Variants in DDB2 observed in about 807,000 individuals in gnomAD.
DDB2 encodes the protein damage specific DNA binding protein 2, also known as DNA damage-binding protein 2.
DDB2 carries 27 observed loss-of-function variants against 50.5 expected under a neutral mutation model. The ratio of observed to expected loss-of-function variants is 0.53; its 90% CI spans 0.39 to 0.74. The LOEUF (loss-of-function observed/expected upper bound fraction) is 0.74. Among genes scored for constraint, DDB2 ranks in the 30% least tolerant of loss-of-function variants. DDB2 has a pLI of 0.00. For missense variants in DDB2, 424 were observed against 545.6 expected (o/e 0.78, Z 2.22); for synonymous variants, 176 against 205.5 (o/e 0.86, Z 1.23).
chr11:47,229,707 A>G (rs894135697), intron 3 of DDB2: 6 of 337,672 alleles, frequency 1.8e-5, no homozygotes, highest in Admixed American at 4.3e-5. Flanking sequence ...TAAGGTTTTC[A>G]GTATACAAAG....
chr11:47,224,461 G>A (rs796892430), intron 3 of DDB2, among the ~76,000 whole-genome samples: 1 of 152,032 alleles, frequency 6.6e-6, no homozygotes, highest in South Asian at 2.1e-4. Context: ...TGTTGGCCAG[G>A]CTGGTCTTGA....
chr11:47,216,165 T>G (rs1031470551), intron 1 of DDB2, 171 bp from the exon 2 acceptor site: 3 of 988,398 alleles, frequency 3.0e-6, no homozygotes, highest in Non-Finnish European at 4.8e-6. Context: ...AAATCCTCAC[T>G]CATTTTTTTA....
At chr11:47,220,041 G>A (rs935531508) in intron 3 of DDB2, among the ~76,000 whole-genome samples, 1 of 152,068 alleles carries the variant, frequency 6.6e-6, no homozygotes, top group African/African-American at 2.4e-5. Context: ...CGCCCGCCTC[G>A]ACCTCCCAAA....
At position 47,234,748 on chromosome 11, in the gene DDB2, TCTC is replaced by T. The variant is rs1953699655; in HGVS notation, c.703-8_703-6del. On this transcript the variant is annotated splice_polypyrimidine_tract_variant and splice_region_variant and intron_variant, in intron 5 of 9. Coordinates refer to ENST00000256996, the MANE Select transcript of DDB2 (RefSeq NM_000107.3). Reference sequence around the variant, plus strand: ...TGTGTCCCCACCTGAACCGAGCTCTTCTCTGCAGCTTTGGAATCTCAGAATGCA... The same window carrying T: ...TGTGTCCCCACCTGAACCGAGCTCTTTGCAGCTTTGGAATCTCAGAATGCA... 6.2e-7 allele frequency: 1 copy of T among 1,613,954 alleles called. No homozygotes were observed. Among genetic ancestry groups the T allele is most frequent in the East Asian group, 2.2e-5 (1 of 44,886 alleles).
rs775705405 is a variant in DDB2, at chr11:47,234,671, A to G, written c.701A>G (p.Glu234Gly). The change falls in exon 5 of 10, where the codon GAG (glutamate) becomes GGG (glycine). Residue 234 changes from glutamate (E) to glycine (G), a missense_variant and splice_region_variant. Coordinates refer to ENST00000256996, the MANE Select transcript of DDB2 (RefSeq NM_000107.3). ...NVILLNMDGK[E>G]LWNLRMHKKK... ...ATCCTGCTGAACATGGACGGCAAAGAGGTGCGTTCTCCGAGGTCCTGCCTT... is the reference window on the plus strand; with the variant it reads ...ATCCTGCTGAACATGGACGGCAAAGGGGTGCGTTCTCCGAGGTCCTGCCTT... 6 of 1,613,940 alleles carry G rather than the reference A, an allele frequency of 3.7e-6. No individual in the cohort carries two copies. The highest frequency in any genetic ancestry group is 1.7e-5 in the Admixed American group (1 of 59,980).
chr11:47,215,568 G>A (rs765910298), intron 1 of DDB2: 4 of 414,438 alleles, frequency 9.7e-6, no homozygotes, highest in East Asian at 5.1e-5. Context: ...TCCTGGCGCT[G>A]TGTGTGCTGG....
chr11:47,231,347 G>A lies in DDB2; in HGVS notation c.457-1467G>A, dbSNP rs4647734. ...AAGCTCTTCTAAAGAGAGCACTGTGGGAATAACAAATTAGGGCACATCCAT... is the reference window on the plus strand; with the variant it reads ...AAGCTCTTCTAAAGAGAGCACTGTGAGAATAACAAATTAGGGCACATCCAT... On this transcript the variant is annotated intron_variant, in intron 3 of 9. Transcript: ENST00000256996. Among the ~76,000 whole-genome samples the A allele has an allele frequency of 2.1e-3, 318 of 152,054 alleles. 3 individuals are homozygous for A. Among genetic ancestry groups the A allele is most frequent in the African/African-American group, 7.5e-3 (312 of 41,466 alleles).
At chr11:47,221,631 G>C (rs1215853546) in intron 3 of DDB2, 1 of 152,268 alleles carries the variant, frequency 6.6e-6, no homozygotes, top group Non-Finnish European at 1.5e-5. Flanking sequence ...TTTTAGTAGA[G>C]ACGGGGTTTC....
intron 3 of DDB2, among the ~76,000 whole-genome samples, chr11:47,223,329 A>G (rs961068059): frequency 2.0e-5 from 3 of 152,126 alleles, no homozygotes; most frequent in African/African-American, 7.2e-5. Context: ...TACTAAAAAT[A>G]CAAAAATTAG....
chr11:47,216,616 C>A, intron 2 of DDB2, 144 bp downstream of exon 2: 2 of 1,276,768 alleles, frequency 1.6e-6, no homozygotes, highest in Non-Finnish European at 2.2e-6. Context: ...CTACTGGGCA[C>A]TCAGCCAGGT....
chr11:47,224,216 T>C (rs1039323075), intron 3 of DDB2, among the ~76,000 whole-genome samples: 1 of 152,072 alleles, frequency 6.6e-6, no homozygotes, highest in Non-Finnish European at 1.5e-5. Flanking sequence ...TCACTAAGCT[T>C]CTTTGATTTA....
Position 47,238,189 on chromosome 11 carries a change from T to G in DDB2, c.1234+6T>G. 6.2e-7 allele frequency: 1 copy of G among 1,607,998 alleles called. No homozygotes were observed. The highest frequency in any genetic ancestry group is 8.5e-7 in the Non-Finnish European group (1 of 1,176,796). On this transcript the variant is annotated splice_donor_region_variant and intron_variant, in intron 9 of 9. Coordinates refer to ENST00000256996, the MANE Select transcript of DDB2 (RefSeq NM_000107.3). Reference sequence around the variant, plus strand: ...CACGCTGGCCTCTGCAATGGGTGAGTAGGAGGAGAATGTCTCTGACTTGCC... The same window carrying G: ...CACGCTGGCCTCTGCAATGGGTGAGGAGGAGGAGAATGTCTCTGACTTGCC...
At position 47,216,796 on chromosome 11, in the gene DDB2, G is replaced by A. The variant is rs1953406193; in HGVS notation, c.265-62G>A. On this transcript the variant is annotated intron_variant, in intron 2 of 9. Coordinates refer to ENST00000256996, the MANE Select transcript of DDB2 (RefSeq NM_000107.3). ...AGGGCTCATCCATGAAGGAGGCAGA[G>A]ATTGGCAGTTTACCCAGAACTTGGG... 2.6e-6 allele frequency: 4 copies of A among 1,544,140 alleles called. No individual in the cohort carries two copies. The Admixed American group carries it at 6.7e-5, about 26-fold the overall frequency.
intron 2 of DDB2, 58 bp downstream of exon 2, chr11:47,216,530 A>G: frequency 1.2e-6 from 2 of 1,608,058 alleles, no homozygotes; most frequent in Non-Finnish European, 8.5e-7. Flanking sequence ...TTACTATTGC[A>G]TGCTCCCAAA....
intron 3 of DDB2, among the ~76,000 whole-genome samples, chr11:47,224,731 ATCCCTCCC>A (rs902896805): frequency 6.6e-6 from 1 of 150,436 alleles, no homozygotes; most frequent in African/African-American, 2.4e-5. Context: ...TCTGCTGTCA[ATCCCTCCC>A]TCCCTCCCTC....
chr11:47,228,474 C>G (rs1365971955), intron 3 of DDB2, among the ~76,000 whole-genome samples: 1 of 151,612 alleles, frequency 6.6e-6, no homozygotes, highest in African/African-American at 2.4e-5. Flanking sequence ...AACCCTGTCT[C>G]TACTAAAAAT....
chr11:47,234,530 A>G (rs768311836), intron 4 of DDB2, 43 bp from the exon 5 acceptor site: 3 of 1,535,096 alleles, frequency 2.0e-6, no homozygotes, highest in Non-Finnish European at 1.8e-6. Context: ...AAATAGGACT[A>G]TCTCTGTCCC....
chr11:47,214,715 G>C, upstream of DDB2: 1 of 314,086 alleles, frequency 3.2e-6, no homozygotes, highest in Non-Finnish European at 6.2e-6. Flanking sequence ...AGGCTGCACT[G>C]AGCTATGATC....
chr11:47,237,941 T>C lies in DDB2; in HGVS notation c.1128T>C (p.Asp376=). ...AATTGAGGACGATCGACGTGTTCGA[T>C]GGAAACTCAGGGAAGATGATGTGTC... The part of the protein sequence containing the change: ...PYELRTIDVF[D]GNSGKMMCQL... Residue 376 remains aspartate (D), a synonymous_variant, in exon 8 of 10, where the codon GAT becomes GAC. Transcript: ENST00000256996. 6.2e-7 allele frequency: 1 copy of C among 1,614,178 alleles called. No individual in the cohort carries two copies. Among genetic ancestry groups the C allele is most frequent in the African/African-American group, 1.3e-5 (1 of 75,028 alleles).
Sources: gnomAD v4.1 joint callset for allele counts (sites outside exome capture counted in the v4.1 genomes callset) on GRCh38, gnomAD v4.1.1 for gene constraint, MANE v1.5 for transcripts, NCBI Gene and HGNC (gene_info 2026-07-23, HGNC 2026-07-21) for gene names.